Variants in ANKRD36C observed in about 807,000 individuals in gnomAD.
The protein encoded by ANKRD36C is ankyrin repeat domain-containing protein 36C.
ANKRD36C carries 61 observed loss-of-function variants against 276.4 expected under a neutral mutation model. That is an observed-to-expected ratio of 0.22 (90% CI 0.18 to 0.27). The LOEUF is 0.27. ANKRD36C is among the 10% of genes least tolerant of loss of function. The pLI, the probability that ANKRD36C is intolerant of heterozygous loss-of-function variation, is 1.00. For missense variants in ANKRD36C, 1,447 were observed against 2,032.3 expected (o/e 0.71, Z 5.54); for synonymous variants, 483 against 680.1 (o/e 0.71, Z 4.51).
At chr2:95,891,794 C>A in intron 45 of ANKRD36C, 38 bp downstream of exon 65, 1 of 1,559,348 alleles carries the variant, frequency 6.4e-7, no homozygotes, top group Non-Finnish European at 8.7e-7. Context: ...ATAGACTATA[C>A]ATTTACTAGT....
At chr2:95,891,957 C>T in intron 44 of ANKRD36C, 97 bp from the exon 65 acceptor site, 2 of 1,533,510 alleles carry the variant, frequency 1.3e-6, no homozygotes. Context: ...GTCCTCCTGC[C>T]TGTATTAGCG....
At chr2:95,911,539 A>C (rs529136663) in intron 42 of ANKRD36C, among the ~76,000 whole-genome samples, 1 of 151,638 alleles carries the variant, frequency 6.6e-6, no homozygotes, top group East Asian at 2.0e-4. Context: ...TCTCATTTCT[A>C]TAACTAAAAT....
intron 28 of ANKRD36C, among the ~76,000 whole-genome samples, chr2:95,926,149 G>A (rs1201447741): frequency 6.6e-6 from 1 of 151,546 alleles, no homozygotes; most frequent in African/African-American, 2.4e-5. Flanking sequence ...GTAATAATGT[G>A]CCTACATTTG....
intron 46 of ANKRD36C, 133 bp downstream of exon 66, chr2:95,891,532 T>C (rs2104350600): frequency 5.6e-6 from 7 of 1,251,384 alleles, no homozygotes; most frequent in Non-Finnish European, 7.7e-6. Context: ...CAAGAACTTA[T>C]TTGAAATGAA....
At chr2:95,984,526 G>A (rs1180753524) in intron 3 of ANKRD36C, among the ~76,000 whole-genome samples, 3 of 152,150 alleles carry the variant, frequency 2.0e-5, no homozygotes, top group Non-Finnish European at 4.4e-5. Context: ...GTCTCCAAGC[G>A]ATTGTATGTA....
chr2:95,886,501 T>G (rs1172371958), intron 50 of ANKRD36C, among the ~76,000 whole-genome samples: 1 of 151,610 alleles, frequency 6.6e-6, no homozygotes, highest in Non-Finnish European at 1.5e-5. Flanking sequence ...AATAAAAGTG[T>G]CAATTTCAAT....
chr2:95,883,268 C>T (rs941086475), intron 54 of ANKRD36C, among the ~76,000 whole-genome samples: 39 of 152,038 alleles, frequency 2.6e-4, no homozygotes, highest in African/African-American at 8.9e-4. Flanking sequence ...TAACCTTTTA[C>T]ATTTGGAAAT....
intron 59 of ANKRD36C, among the ~76,000 whole-genome samples, chr2:95,873,602 T>C (rs1200891044): frequency 1.3e-5 from 2 of 152,298 alleles, no homozygotes; most frequent in East Asian, 3.9e-4. Flanking sequence ...CTTTGAAAAC[T>C]GGCACAAGAG....
chr2:95,982,135 A>T, intron 4 of ANKRD36C, 121 bp downstream of exon 4: 3 of 741,838 alleles, frequency 4.0e-6, no homozygotes, highest in Admixed American at 6.2e-5. Flanking sequence ...ATTTCTCACT[A>T]TATCCCAATA....
At chr2:95,891,019 G>C (rs1676338486) in intron 46 of ANKRD36C, among the ~76,000 whole-genome samples, 1 of 151,408 alleles carries the variant, frequency 6.6e-6, no homozygotes, top group Non-Finnish European at 1.5e-5. Flanking sequence ...GAGGAGTAAT[G>C]AGTCAGTGTG....
chr2:95,931,093 G>C (rs1158326731), intron 24 of ANKRD36C, among the ~76,000 whole-genome samples: 2 of 151,550 alleles, frequency 1.3e-5, no homozygotes, highest in African/African-American at 4.8e-5. Flanking sequence ...TTGATTCTTT[G>C]ACCTCCACAT....
intron 13 of ANKRD36C, among the ~76,000 whole-genome samples, chr2:95,955,804 T>C (rs1015475224): frequency 6.6e-6 from 1 of 152,186 alleles, no homozygotes; most frequent in Non-Finnish European, 1.5e-5. Flanking sequence ...TTGATCAGGA[T>C]GTTAAGCAAG....
At chr2:95,927,517 T>G in intron 26 of ANKRD36C, 108 bp from the exon 27 acceptor site, 1 of 1,516,586 alleles carries the variant, frequency 6.6e-7, no homozygotes, top group Non-Finnish European at 8.9e-7. Context: ...TGTACTAGTG[T>G]AGGCTTTGAT....
intron 36 of ANKRD36C, among the ~76,000 whole-genome samples, chr2:95,916,578 A>G (rs1467289232): frequency 6.6e-6 from 1 of 151,654 alleles, no homozygotes; most frequent in Non-Finnish European, 1.5e-5. Context: ...ACACCATTAC[A>G]CTACAAACAT....
At chr2:95,856,449 G>T (rs1376762216) in intron 62 of ANKRD36C, among the ~76,000 whole-genome samples, 1 of 151,934 alleles carries the variant, frequency 6.6e-6, no homozygotes, top group Non-Finnish European at 1.5e-5. Flanking sequence ...ATAAAAAAAG[G>T]CTTTTACTGA....
At chr2:95,855,816 T>A (rs1474762250) in exon 63 of ANKRD36C, 3 of 1,613,854 alleles carry the variant, frequency 1.9e-6, no homozygotes, top group Non-Finnish European at 2.5e-6. Context: ...TTTTGATGAG[T>A]GACTTTGATC....
chr2:95,985,784 A>G (rs2579530), intron 3 of ANKRD36C, among the ~76,000 whole-genome samples: 7 of 152,160 alleles, frequency 4.6e-5, no homozygotes, highest in Admixed American at 1.3e-4. Flanking sequence ...ATTCACTGAA[A>G]ACTTCATTTA....
chr2:95,865,456 T>C (rs1291998676), intron 60 of ANKRD36C, among the ~76,000 whole-genome samples: 2 of 152,064 alleles, frequency 1.3e-5, no homozygotes, highest in African/African-American at 4.8e-5. Context: ...AAATCAATAG[T>C]AACCAAAACA....
intron 24 of ANKRD36C, among the ~76,000 whole-genome samples, chr2:95,929,515 A>G (rs1191066802): frequency 1.3e-5 from 2 of 151,578 alleles, no homozygotes; most frequent in African/African-American, 4.8e-5. Context: ...CCATATGTCT[A>G]AAACTAAGAT....
Sources: allele counts gnomAD v4.1 joint callset (sites outside exome capture counted in the v4.1 genomes callset), GRCh38; gene constraint gnomAD v4.1.1; transcripts MANE v1.5; gene names NCBI Gene and HGNC (gene_info 2026-07-23, HGNC 2026-07-21).